Variants in MTR observed in about 807,000 individuals in gnomAD.
MTR encodes the protein 5-methyltetrahydrofolate-homocysteine methyltransferase, also known as methionine synthase.
A neutral mutation model predicts 154.8 loss-of-function variants in MTR; 84 were observed. The ratio of observed to expected loss-of-function variants is 0.54; its 90% CI spans 0.45 to 0.65. The LOEUF (loss-of-function observed/expected upper bound fraction) is 0.65. MTR is among the 30% of genes least tolerant of loss of function. The pLI is 0.00. For synonymous variants in MTR, 554 were observed against 553.9 expected (o/e 1.00, Z 0.00); for missense variants, 1,275 against 1,570.2 (o/e 0.81, Z 3.18).
At chr1:236,834,818 C>T (rs913375295) in intron 13 of MTR, among the ~76,000 whole-genome samples, 3 of 152,130 alleles carry the variant, frequency 2.0e-5, no homozygotes, top group African/African-American at 7.2e-5. Context: ...CTTTTTGGAA[C>T]ACTTATCCTA....
rs749672025 is a variant in MTR, at chr1:236,825,140, A to ATTTTTT, written c.866-185_866-180dup. On this transcript the variant is annotated intron_variant, in intron 9 of 32. Coordinates refer to ENST00000366577, the MANE Select transcript of MTR (RefSeq NM_000254.3). ...ATAATGGAGTTCATTTTCCTCTGTGATTTTTTTTTTTTTTTTTTAGTTTTT... is the reference window on the plus strand; with the variant it reads ...ATAATGGAGTTCATTTTCCTCTGTGATTTTTTTTTTTTTTTTTTTTTTTTAGTTTTT... Among the ~76,000 whole-genome samples the ATTTTTT allele has an allele frequency of 6.1e-5, 7 of 114,146 alleles. 1 individual carries two copies. The highest frequency in any genetic ancestry group is 1.0e-4 in the Non-Finnish European group (6 of 58,074). 74.9% of individuals were successfully genotyped at this position (114,146 alleles called of 152,430 possible).
intron 31 of MTR, among the ~76,000 whole-genome samples, chr1:236,896,208 A>G (rs1347633173): frequency 6.6e-6 from 1 of 152,156 alleles, no homozygotes; most frequent in Non-Finnish European, 1.5e-5. Flanking sequence ...TGTCATGTCA[A>G]TGTCCTGGTT....
At position 236,902,466 on chromosome 1, in the gene MTR, C is replaced by T. The variant is rs527345452; in HGVS notation, c.*4822C>T. ...TGGAACCTTACTCATCTTTATATGG[C>T]GTCTAAAATAGTGCTTGCTTTATGA... On this transcript the variant is annotated 3_prime_UTR_variant, in exon 33 of 33. Transcript: ENST00000366577. The T allele has an allele frequency of 2.0e-5, 3 of 152,274 alleles. No homozygotes were observed. Among genetic ancestry groups the T allele is most frequent in the Middle Eastern group, 3.4e-3 (1 of 294 alleles). 9.4% of individuals were successfully genotyped at this position (152,274 alleles called of 1,614,324 possible). A position where few individuals can be genotyped will look rare whatever the true frequency, so the allele number is the denominator to read the frequency against.
chr1:236,876,776 T>G (rs1468849426), intron 24 of MTR, among the ~76,000 whole-genome samples: 2 of 152,212 alleles, frequency 1.3e-5, no homozygotes, highest in African/African-American at 4.8e-5. Context: ...AAAATTAGCT[T>G]GCTAATGATT....
Position 236,903,816 on chromosome 1 carries a change from G to C in MTR, c.*6172G>C, listed in dbSNP as rs1033624105. 6.6e-6 allele frequency: 1 copy of C among 152,116 alleles called. No homozygotes were observed. Among genetic ancestry groups the C allele is most frequent in the African/African-American group, 2.4e-5 (1 of 41,410 alleles). 9.4% of individuals were successfully genotyped at this position (152,116 alleles called of 1,614,324 possible). On this transcript the variant is annotated 3_prime_UTR_variant, in exon 33 of 33. Coordinates refer to ENST00000366577, the MANE Select transcript of MTR (RefSeq NM_000254.3). ...AAGAGAAAAAGGACATTTCCCTCCAGGTTATCTGAAAGAATTTCAATGCTT... is the reference window on the plus strand; with the variant it reads ...AAGAGAAAAAGGACATTTCCCTCCACGTTATCTGAAAGAATTTCAATGCTT...
At chr1:236,881,339 TCAG>T (rs532748596) in intron 25 of MTR, among the ~76,000 whole-genome samples, 39 of 152,276 alleles carry the variant, frequency 2.6e-4, no homozygotes, top group African/African-American at 9.1e-4. Flanking sequence ...CTTTTCTCTT[TCAG>T]TGAAGCCTAA....
At chr1:236,880,253 G>C (rs913969946) in intron 24 of MTR, among the ~76,000 whole-genome samples, 1 of 152,218 alleles carries the variant, frequency 6.6e-6, no homozygotes, top group African/African-American at 2.4e-5. Context: ...CATACTGCAA[G>C]TACAAGGTGG....
rs1666831266 is a variant in MTR, at chr1:236,899,524, T to A, written c.*1880T>A. 1 of 152,282 alleles carries A rather than the reference T, an allele frequency of 6.6e-6. No individual in the cohort carries two copies. The highest frequency in any genetic ancestry group is 6.5e-5 in the Admixed American group (1 of 15,302). The allele number at this position is 152,282 out of a possible 1,614,324, so 9.4% of individuals were successfully genotyped here. On this transcript the variant is annotated 3_prime_UTR_variant, in exon 33 of 33. Transcript: ENST00000366577. ...CTTACCTGGTGATAAGTTCCAAATA[T>A]GTTAAGGGCTTTAATACAAAAAGCA...
Position 236,842,772 on chromosome 1 carries a change from A to T in MTR, c.1515+4173A>T, listed in dbSNP as rs536872510. 1.3e-3 allele frequency among the ~76,000 whole-genome samples: 145 copies of T among 110,996 alleles called. 1 individual carries two copies. The highest frequency in any genetic ancestry group is 2.0e-3 in the Non-Finnish European group (118 of 58,258). 72.8% of individuals were successfully genotyped at this position (110,996 alleles called of 152,430 possible). On this transcript the variant is annotated intron_variant, in intron 15 of 32. Coordinates refer to ENST00000366577, the MANE Select transcript of MTR (RefSeq NM_000254.3). ...AGGGACAAAGGGAATAACAAATTTA[A>T]AAAAAAAAGATGTATATATATATAT...
intron 8 of MTR, chr1:236,820,521 G>C: frequency 3.4e-6 from 3 of 876,892 alleles, no homozygotes; most frequent in Middle Eastern, 3.3e-4. Context: ...ATGGTCTTAA[G>C]CTGTTCTTAC....
At position 236,852,942 on chromosome 1, in the gene MTR, C is replaced by T; in HGVS notation, c.1813-6C>T. On this transcript the variant is annotated splice_region_variant and splice_polypyrimidine_tract_variant and intron_variant, in intron 17 of 32. Coordinates refer to ENST00000366577, the MANE Select transcript of MTR (RefSeq NM_000254.3). ...AAATTCTCATTTTTATTTGTATTGC[C>T]CTTAGTCTGGCATGGACATGGGGAT... 6.2e-7 allele frequency: 1 copy of T among 1,613,792 alleles called. No individual in the cohort carries two copies. The highest frequency in any genetic ancestry group is 8.5e-7 in the Non-Finnish European group (1 of 1,179,872).
At chr1:236,820,198 A>G in intron 8 of MTR, 3 of 760,668 alleles carry the variant, frequency 3.9e-6, no homozygotes, top group South Asian at 2.7e-5. Context: ...GCGTGGCACC[A>G]TTTCCTGTGA....
chr1:236,846,441 TAATC>T (rs1331829968), intron 15 of MTR, among the ~76,000 whole-genome samples: 4 of 152,206 alleles, frequency 2.6e-5, no homozygotes, highest in South Asian at 2.1e-4. Flanking sequence ...TATAAAAGAA[TAATC>T]AATATATGCA....
intron 1 of MTR, among the ~76,000 whole-genome samples, chr1:236,796,064 A>T (rs1660368222): frequency 6.6e-6 from 1 of 151,952 alleles, no homozygotes; most frequent in Admixed American, 6.5e-5. Flanking sequence ...GCCCTCTGGA[A>T]GTTTTTTTTT....
chr1:236,811,761 A>C (rs1661317375), intron 5 of MTR: 2 of 452,870 alleles, frequency 4.4e-6, no homozygotes, highest in Non-Finnish European at 8.9e-6. Flanking sequence ...AAGCAAAATG[A>C]TGCATAGCAG....
intron 22 of MTR, among the ~76,000 whole-genome samples, chr1:236,872,059 G>GT (rs1665165248): frequency 6.6e-6 from 1 of 152,122 alleles, no homozygotes. Context: ...AATGAAATAA[G>GT]TAAAAATGCA....
In MTR at chr1:236,835,611, A is replaced by G; in HGVS notation, c.1253A>G (p.Asp418Gly). The change falls in exon 14 of 33, where the codon GAT becomes GGT. Residue 418 changes from aspartate (D) to glycine (G), a missense_variant. By Grantham distance (94) the Asp-to-Gly change is moderately conservative (BLOSUM62 -1). Coordinates refer to ENST00000366577, the MANE Select transcript of MTR (RefSeq NM_000254.3). ...MGAQVLDVNMDDGMLDGPSAM... is the reference protein window; with the variant it reads ...MGAQVLDVNMGDGMLDGPSAM... ...GCCCAGGTGTTGGATGTCAACATGG[A>G]TGATGGCATGCTAGATGGTCCAAGT... 1 of 1,610,768 alleles carries G rather than the reference A, an allele frequency of 6.2e-7. No homozygotes were observed.
chr1:236,900,123 T>TA lies in MTR; in HGVS notation c.*2480dup, dbSNP rs745479452. ...AGGAATGTGTAAGAATGTTCATAGT[T>TA]ACATATTTATAATAGTTAATAACTG... On this transcript the variant is annotated 3_prime_UTR_variant, in exon 33 of 33. Coordinates refer to ENST00000366577, the MANE Select transcript of MTR (RefSeq NM_000254.3). 13 of 382,942 alleles carry TA rather than the reference T, an allele frequency of 3.4e-5. No homozygotes were observed. Among genetic ancestry groups the TA allele is most frequent in the Middle Eastern group, 3.6e-4 (1 of 2,796 alleles). The allele number at this position is 382,942 out of a possible 1,614,324, so 23.7% of individuals were successfully genotyped here. A position where few individuals can be genotyped will look rare whatever the true frequency, so the allele number is the denominator to read the frequency against.
intron 8 of MTR, among the ~76,000 whole-genome samples, chr1:236,818,812 T>C (rs1661753758): frequency 6.6e-6 from 1 of 152,236 alleles, no homozygotes; most frequent in South Asian, 2.1e-4. Context: ...CTATATGTCC[T>C]GGAATACAGT....
Sources: allele counts gnomAD v4.1 joint callset (sites outside exome capture counted in the v4.1 genomes callset), GRCh38; gene constraint gnomAD v4.1.1; transcripts MANE v1.5; gene names NCBI Gene and HGNC (gene_info 2026-07-23, HGNC 2026-07-21).